Variants in ITPRID1 observed in about 807,000 individuals in gnomAD.
The protein encoded by ITPRID1 is ITPR interacting domain containing 1.
ITPRID1 carries 96 observed loss-of-function variants against 95.4 expected under a neutral mutation model. The ratio of observed to expected loss-of-function variants is 1.01; its 90% CI spans 0.85 to 1.19. The LOEUF is 1.19. Among genes scored for constraint, ITPRID1 ranks in the 50% most tolerant of loss-of-function variants. The pLI is 0.00. For missense variants in ITPRID1, 1,339 were observed against 1,252.9 expected, an observed-to-expected ratio of 1.07 and a Z score of -1.04; for synonymous variants, 510 against 453.6, an observed-to-expected ratio of 1.12 and a Z score of -1.58.
intron 8 of ITPRID1, among the ~76,000 whole-genome samples, chr7:31,575,880 A>C (rs1274714854): frequency 3.5e-5 from 2 of 56,346 alleles, no homozygotes; most frequent in Non-Finnish European, 8.1e-5. Flanking sequence ...AACTTCAGGA[A>C]TGATATTTTT....
chr7:31,594,136 C>T (rs1785977225), intron 10 of ITPRID1, among the ~76,000 whole-genome samples: 1 of 152,154 alleles, frequency 6.6e-6, no homozygotes, highest in Non-Finnish European at 1.5e-5. Context: ...CATTGTGTTA[C>T]AGTTGCCTAC....
chr7:31,531,384 A>G (rs1342081002), intron 1 of ITPRID1, among the ~76,000 whole-genome samples: 2 of 152,206 alleles, frequency 1.3e-5, no homozygotes, highest in African/African-American at 4.8e-5. Context: ...ATTCATGAAC[A>G]TGATAGAAGA....
chr7:31,658,298 CCT>C, downstream of ITPRID1: 2 of 1,494,476 alleles, frequency 1.3e-6, no homozygotes, highest in Non-Finnish European at 8.8e-7. Flanking sequence ...GAGCTGGATC[CCT>C]TTTTTTTTTC....
intron 5 of ITPRID1, among the ~76,000 whole-genome samples, chr7:31,563,754 A>G (rs534925214): frequency 3.6e-4 from 55 of 152,142 alleles, no homozygotes; most frequent in African/African-American, 1.3e-3. Context: ...AGGGTTTACA[A>G]TAGGGGGCGG....
intron 10 of ITPRID1, among the ~76,000 whole-genome samples, chr7:31,641,380 T>G (rs1295825130): frequency 1.3e-5 from 2 of 152,284 alleles, no homozygotes; most frequent in East Asian, 3.9e-4. Context: ...GCTCCTTGTA[T>G]TCTAAGGAGG....
At chr7:31,519,608 C>CTA (rs1783157413) in intron 1 of ITPRID1, among the ~76,000 whole-genome samples, 6 of 54,694 alleles carry the variant, frequency 1.1e-4, no homozygotes, top group African/African-American at 4.0e-4. Context: ...CTCTCTCTCT[C>CTA]TCTCTCTCTC....
chr7:31,567,546 C>A (rs1330987027), intron 5 of ITPRID1, among the ~76,000 whole-genome samples: 1 of 150,860 alleles, frequency 6.6e-6, no homozygotes, highest in Admixed American at 6.6e-5. Context: ...ACTATTTAAA[C>A]CTTTAAAATC....
intron 3 of ITPRID1, among the ~76,000 whole-genome samples, chr7:31,553,398 G>C (rs1784349793): frequency 6.6e-6 from 1 of 152,170 alleles, no homozygotes; most frequent in African/African-American, 2.4e-5. Context: ...GAAAGAAGTA[G>C]ACCAATTAAT....
intron 10 of ITPRID1, among the ~76,000 whole-genome samples, chr7:31,612,909 G>C (rs1159952282): frequency 6.6e-6 from 1 of 152,026 alleles, no homozygotes; most frequent in Non-Finnish European, 1.5e-5. Flanking sequence ...TTATTATTTT[G>C]CCCCAGTTGG....
chr7:31,519,619 T>C (rs1248862582), intron 1 of ITPRID1, among the ~76,000 whole-genome samples: 1 of 72,462 alleles, frequency 1.4e-5, no homozygotes. Context: ...TCTCTCTCTC[T>C]CTATATATAT....
In ITPRID1 at chr7:31,642,980, A is replaced by G. The variant is rs1218595382; in HGVS notation, c.1610A>G (p.Asp537Gly). 2 of 1,613,914 alleles carry G rather than the reference A, an allele frequency of 1.2e-6. No individual in the cohort carries two copies. Among genetic ancestry groups the G allele is most frequent in the Non-Finnish European group, 1.7e-6 (2 of 1,179,892 alleles). ...TTTRGECPRK[D>G]SHLWQLLPMP... Reference sequence around the variant, plus strand: ...ACGAGGGGAGAATGCCCAAGGAAAGACAGCCATCTGTGGCAGCTTCTGCCA... The same window carrying G: ...ACGAGGGGAGAATGCCCAAGGAAAGGCAGCCATCTGTGGCAGCTTCTGCCA... Residue 537 changes from aspartate to glycine, a missense_variant, in exon 12 of 15, where the codon GAC becomes GGC. Coordinates refer to ENST00000615280, the MANE Select transcript of ITPRID1 (RefSeq NM_001257967.3).
At chr7:31,641,329 C>A (rs985444413) in intron 10 of ITPRID1, among the ~76,000 whole-genome samples, 2 of 152,168 alleles carry the variant, frequency 1.3e-5, no homozygotes, top group East Asian at 1.9e-4. Context: ...ACTTCCCACA[C>A]ACATACCTAA....
intron 10 of ITPRID1, among the ~76,000 whole-genome samples, chr7:31,628,447 CCTTTT>C (rs898150087): frequency 1.3e-5 from 2 of 149,102 alleles, no homozygotes; most frequent in Non-Finnish European, 3.0e-5. Context: ...AAGCGTGATT[CCTTTT>C]TTTTTTTTCT....
chr7:31,564,060 C>G (rs918188652), intron 5 of ITPRID1, among the ~76,000 whole-genome samples: 1 of 152,100 alleles, frequency 6.6e-6, no homozygotes, highest in African/African-American at 2.4e-5. Context: ...GACGATATTC[C>G]AAAGAACCAA....
chr7:31,528,426 C>T (rs1468829244), intron 1 of ITPRID1, among the ~76,000 whole-genome samples: 1 of 152,128 alleles, frequency 6.6e-6, no homozygotes, highest in Non-Finnish European at 1.5e-5. Flanking sequence ...TTTACAAAGC[C>T]ACCACATCCT....
At chr7:31,601,964 C>T (rs1786411600) in intron 10 of ITPRID1, among the ~76,000 whole-genome samples, 2 of 152,162 alleles carry the variant, frequency 1.3e-5, no homozygotes, top group Admixed American at 1.3e-4. Context: ...AATTTCCATG[C>T]TGCTCTGTGT....
intron 1 of ITPRID1, among the ~76,000 whole-genome samples, chr7:31,526,878 C>T (rs1482151707): frequency 1.3e-5 from 2 of 152,140 alleles, no homozygotes; most frequent in South Asian, 2.1e-4. Flanking sequence ...TTCCATTCTC[C>T]ATATTGAAGC....
rs367883087 is a variant in ITPRID1, at chr7:31,642,263, G to T, written c.1311+5G>T. 4 of 1,546,276 alleles carry T rather than the reference G, an allele frequency of 2.6e-6. No homozygotes were observed. The African/African-American group carries it at 5.5e-5, about 21-fold the overall frequency. Reference sequence around the variant, plus strand: ...CTGGAACCGCTGCCCCTCCAGGTAGGAGGGTTTGGAACAGGGCCCTGTTGC... The same window carrying T: ...CTGGAACCGCTGCCCCTCCAGGTAGTAGGGTTTGGAACAGGGCCCTGTTGC... On this transcript the variant is annotated splice_donor_5th_base_variant and intron_variant, in intron 11 of 14. Coordinates refer to ENST00000615280, the MANE Select transcript of ITPRID1 (RefSeq NM_001257967.3).
chr7:31,628,936 G>GC (rs948436450), intron 10 of ITPRID1, among the ~76,000 whole-genome samples: 3 of 151,880 alleles, frequency 2.0e-5, no homozygotes. Flanking sequence ...TTCACAAGAG[G>GC]AAAAAACAAA....
Sources: gnomAD v4.1 joint callset for allele counts (sites outside exome capture counted in the v4.1 genomes callset) on GRCh38, gnomAD v4.1.1 for gene constraint, MANE v1.5 for transcripts, NCBI Gene and HGNC (gene_info 2026-07-23, HGNC 2026-07-21) for gene names.